Variants in KANK1 observed in about 807,000 individuals in gnomAD.
KANK1 encodes KN motif and ankyrin repeat domain-containing protein 1.
A neutral mutation model predicts 106.2 loss-of-function variants in KANK1; 109 were observed. That is an observed-to-expected ratio of 1.03 (90% CI 0.88 to 1.20). The LOEUF is 1.20. KANK1 is among the 50% of genes most tolerant of loss of function. The pLI is 0.00. For synonymous variants in KANK1, 873 were observed against 652.2 expected (o/e 1.34, Z -5.16); for missense variants, 2,399 against 1,710.7 (o/e 1.40, Z -7.10).
chr9:620,148 G>A (rs1832798910), intron 1 of KANK1, among the ~76,000 whole-genome samples: 1 of 150,946 alleles, frequency 6.6e-6, no homozygotes, highest in South Asian at 2.1e-4. Context: ...AAAAAAAATT[G>A]TTTTGTTGTA....
chr9:480,603 A>G (rs2058186058), intron 3 of KANK1, among the ~76,000 whole-genome samples: 1 of 152,254 alleles, frequency 6.6e-6, no homozygotes, highest in South Asian at 2.1e-4. Flanking sequence ...GTTAGTATGT[A>G]GCAGGTTAAT....
intron 2 of KANK1, among the ~76,000 whole-genome samples, chr9:700,764 G>A (rs937841820): frequency 5.3e-5 from 8 of 152,170 alleles, no homozygotes; most frequent in South Asian, 2.1e-4. Flanking sequence ...GGTATCTGGC[G>A]AAGAAAAACA....
chr9:735,257 C>G (rs950201943), intron 7 of KANK1, among the ~76,000 whole-genome samples: 1 of 152,120 alleles, frequency 6.6e-6, no homozygotes, highest in Non-Finnish European at 1.5e-5. Flanking sequence ...GTCAGCATTC[C>G]TTTCAGTTAT....
At chr9:687,265 T>G (rs7044480) in intron 2 of KANK1, among the ~76,000 whole-genome samples, 39,967 of 151,964 alleles carry the variant, frequency 0.26, 6,288 homozygotes, top group East Asian at 0.57. Flanking sequence ...TGCCTTTTTC[T>G]CCCTGCTTTG....
chr9:620,429 C>G (rs998317229), intron 1 of KANK1, among the ~76,000 whole-genome samples: 1 of 151,888 alleles, frequency 6.6e-6, no homozygotes, highest in Non-Finnish European at 1.5e-5. Context: ...AACGGAGTCT[C>G]GCACTGTCAC....
Position 712,967 on chromosome 9 carries a change from G to C in KANK1, c.2201G>C (p.Arg734Pro). Residue 734 changes from arginine to proline, a missense_variant, in exon 3 of 12, where the codon CGG becomes CCG. By Grantham distance (103) the Arg-to-Pro change is moderately radical. Transcript: ENST00000382297. ...GACATCAACTCCTCCACCAAGACGC[G>C]GTCCATTGGTGTTGGAACGTTGCTT... is the stretch of plus-strand genomic sequence containing the variant. ...VKDINSSTKT[R>P]SIGVGTLLSG... 1.2e-6 allele frequency: 2 copies of C among 1,614,154 alleles called. No individual in the cohort carries two copies. Among genetic ancestry groups the C allele is most frequent in the Non-Finnish European group, 1.7e-6 (2 of 1,180,036 alleles).
At chr9:497,357 A>G in intron 3 of KANK1, among the ~76,000 whole-genome samples, 1 of 152,136 alleles carries the variant, frequency 6.6e-6, no homozygotes, top group South Asian at 2.1e-4. Context: ...CAGCTGTCCC[A>G]CTGTGCACGC....
chr9:584,717 C>T (rs1823020124), intron 1 of KANK1, among the ~76,000 whole-genome samples: 1 of 152,136 alleles, frequency 6.6e-6, no homozygotes, highest in East Asian at 1.9e-4. Flanking sequence ...AGAGAAAAGG[C>T]GGGAAGGGTT....
chr9:608,792 C>A (rs1025695671), intron 1 of KANK1, among the ~76,000 whole-genome samples: 3 of 152,188 alleles, frequency 2.0e-5, no homozygotes, highest in Non-Finnish European at 4.4e-5. Context: ...TTAACAACCT[C>A]CACCCCAGTT....
chr9:692,769 C>A (rs541967951), intron 2 of KANK1, among the ~76,000 whole-genome samples: 2 of 151,888 alleles, frequency 1.3e-5, no homozygotes, highest in African/African-American at 2.4e-5. Flanking sequence ...AATCCCAGCA[C>A]TTTGGGAAGC....
chr9:738,323 C>A lies in KANK1; in HGVS notation c.3372C>A (p.Arg1124=). ...ACACCCTCCAGCACGAGTGGTTCCG[C>A]GTGTCCAGTCAGAAGTCAGCCATTC... is the stretch of plus-strand genomic sequence containing the variant. ...CLNTLQHEWF[R]VSSQKSAIPA... Residue 1124 remains arginine (R), a synonymous_variant, in exon 8 of 12, where the codon CGC becomes CGA. Coordinates refer to ENST00000382297, the MANE Select transcript of KANK1 (RefSeq NM_015158.5). 6.2e-7 allele frequency: 1 copy of A among 1,613,972 alleles called. No individual in the cohort carries two copies. Among genetic ancestry groups the A allele is most frequent in the African/African-American group, 1.3e-5 (1 of 75,034 alleles).
intron 1 of KANK1, among the ~76,000 whole-genome samples, chr9:572,084 A>T (rs1819325146): frequency 6.6e-6 from 1 of 152,044 alleles, no homozygotes; most frequent in African/African-American, 2.4e-5. Flanking sequence ...AAACAAATTA[A>T]AAATGGAAAG....
intron 1 of KANK1, among the ~76,000 whole-genome samples, chr9:637,201 A>C (rs1290156193): frequency 6.6e-6 from 1 of 152,160 alleles, no homozygotes; most frequent in Non-Finnish European, 1.5e-5. Context: ...TGCTATTCCC[A>C]GGTCTTCTGT....
At chr9:637,256 A>G (rs1032741475) in intron 1 of KANK1, among the ~76,000 whole-genome samples, 2 of 152,194 alleles carry the variant, frequency 1.3e-5, no homozygotes, top group Non-Finnish European at 2.9e-5. Context: ...ATTCACAATA[A>G]TGATGTGAAA....
At chr9:576,486 C>T (rs560206685) in intron 1 of KANK1, among the ~76,000 whole-genome samples, 7 of 152,338 alleles carry the variant, frequency 4.6e-5, no homozygotes, top group Admixed American at 3.3e-4. Context: ...TCATGCCAAT[C>T]ATATGCTTGT....
intron 1 of KANK1, among the ~76,000 whole-genome samples, chr9:515,216 G>C (rs1421403935): frequency 6.6e-6 from 1 of 151,336 alleles, no homozygotes; most frequent in Non-Finnish European, 1.5e-5. Flanking sequence ...GTGGTGGCGG[G>C]AGCCTGTAGT....
chr9:520,585 A>G (rs1281751759), intron 1 of KANK1, among the ~76,000 whole-genome samples: 1 of 151,940 alleles, frequency 6.6e-6, no homozygotes, highest in South Asian at 2.1e-4. Context: ...ATAATCTAAC[A>G]TAATGGAAGA....
At chr9:640,212 A>G (rs1222944355) in intron 1 of KANK1, among the ~76,000 whole-genome samples, 1 of 151,490 alleles carries the variant, frequency 6.6e-6, no homozygotes, top group Non-Finnish European at 1.5e-5. Flanking sequence ...CTGAATGGAA[A>G]CTCCTTTTTG....
At chr9:556,138 C>G (rs2061570828) in intron 1 of KANK1, among the ~76,000 whole-genome samples, 1 of 152,108 alleles carries the variant, frequency 6.6e-6, no homozygotes, top group African/African-American at 2.4e-5. Flanking sequence ...TAACTGAATA[C>G]AGAAGCATTT....
Sources: allele counts gnomAD v4.1 joint callset (sites outside exome capture counted in the v4.1 genomes callset), GRCh38; gene constraint gnomAD v4.1.1; transcripts MANE v1.5; gene names NCBI Gene and HGNC (gene_info 2026-07-23, HGNC 2026-07-21).